SNRPN: variants seen among roughly 807,000 people sequenced by gnomAD.
The protein encoded by SNRPN is small nuclear ribonucleoprotein polypeptide N.
SNRPN carries 7 observed loss-of-function variants against 25.2 expected under a neutral mutation model. The observed-to-expected ratio is 0.28, with a 90% CI of 0.16 to 0.52. The LOEUF (loss-of-function observed/expected upper bound fraction) is 0.52, where lower values mean the gene tolerates loss of function less well. Ranked by LOEUF, SNRPN falls within the 20% of genes least tolerant of loss-of-function variation. SNRPN has a pLI of 0.96. For missense variants in SNRPN, 196 were observed against 322.5 expected (o/e 0.61, Z 3.00); for synonymous variants, 124 against 110.6 (o/e 1.12, Z -0.76).
intron 2 of SNRPN, among the ~76,000 whole-genome samples, chr15:24,898,540 A>G (rs2058230659): frequency 6.6e-6 from 1 of 152,002 alleles, no homozygotes; most frequent in Admixed American, 6.6e-5. Flanking sequence ...ATGAGCGAAG[A>G]TCGCACCACT....
intron 1 of SNRPN, among the ~76,000 whole-genome samples, chr15:24,865,305 C>G (rs1421500581): frequency 6.6e-6 from 1 of 152,110 alleles, no homozygotes; most frequent in Non-Finnish European, 1.5e-5. Context: ...CCTTGGCCTC[C>G]CAAAGTGCTA....
exon 1 of SNRPN, chr15:24,856,566 C>T (rs1166094529): frequency 6.6e-6 from 1 of 152,220 alleles, no homozygotes; most frequent in South Asian, 2.1e-4. Context: ...AGCTCAGAGC[C>T]TTCTGTGGGG....
At position 24,918,937 on chromosome 15, in the gene SNRPN, A is replaced by ATATATATAACATAATATATATGTGCG. The variant is rs2152489596; in HGVS notation, c.-504-1074_-504-1073insTATATATAACATAATATATATGTGCG. 6.8e-4 allele frequency among the ~76,000 whole-genome samples: 31 copies of ATATATATAACATAATATATATGTGCG among 45,918 alleles called. 15 individuals are homozygous for ATATATATAACATAATATATATGTGCG. Among genetic ancestry groups the ATATATATAACATAATATATATGTGCG allele is most frequent in the South Asian group, 1.5e-3 (2 of 1,308 alleles). The allele number at this position is 45,918 out of a possible 152,430, so 30.1% of individuals were successfully genotyped here. On this transcript the variant is annotated intron_variant, in intron 2 of 11. Coordinates refer to the SNRPN transcript ENST00000400097. ...TATATAACATAATATATATATGCGC[A>ATATATATAACATAATATATATGTGCG]CATATATATAACATAATATATATGC... is the stretch of plus-strand genomic sequence containing the variant.
chr15:24,848,361 C>G (rs2052450846), intron 2 of SNRPN: 1 of 152,560 alleles, frequency 6.6e-6, no homozygotes, highest in Non-Finnish European at 1.5e-5. Context: ...AAGCGGATCT[C>G]TTCCGGTTAT....
At chr15:24,947,654 A>G (rs1356882528) in intron 3 of SNRPN, among the ~76,000 whole-genome samples, 4 of 152,104 alleles carry the variant, frequency 2.6e-5, no homozygotes, top group Non-Finnish European at 5.9e-5. Context: ...AAACAGAAAA[A>G]CATAACCTAA....
chr15:24,870,273 A>C, intron 1 of SNRPN, among the ~76,000 whole-genome samples: 1 of 152,182 alleles, frequency 6.6e-6, no homozygotes, highest in South Asian at 2.1e-4. Context: ...AGACCCAGGT[A>C]TATTCACTGA....
intron 2 of SNRPN, among the ~76,000 whole-genome samples, chr15:24,887,393 C>T (rs148825071): frequency 1.7e-3 from 255 of 152,158 alleles, no homozygotes; most frequent in African/African-American, 4.5e-3. Context: ...GGTTATCCTC[C>T]GGCCTCGGCC....
chr15:24,892,150 A>G (rs1157817673), intron 2 of SNRPN, among the ~76,000 whole-genome samples: 1 of 152,210 alleles, frequency 6.6e-6, no homozygotes, highest in Non-Finnish European at 1.5e-5. Context: ...AAATGTCTCC[A>G]CCACCCATCT....
At position 24,875,008 on chromosome 15, in the gene SNRPN, GA is replaced by G. The variant is rs1566854694; in HGVS notation, c.-578-11507del. ...TCAGTAATAATATAAAATTGTAAGTGATAAGATGTATTTGTCCTATAGTCTA... is the reference window on the plus strand; with the variant it reads ...TCAGTAATAATATAAAATTGTAAGTGTAAGATGTATTTGTCCTATAGTCTA... On this transcript the variant is annotated intron_variant, in intron 1 of 11. Coordinates refer to the SNRPN transcript ENST00000400097. Among the ~76,000 whole-genome samples the G allele has an allele frequency of 2.0e-5, 3 of 152,244 alleles. No homozygotes were observed. In the East Asian group the frequency reaches 5.8e-4, roughly 29 times the overall value.
chr15:24,893,874 T>C (rs8023839), intron 2 of SNRPN, among the ~76,000 whole-genome samples: 63,918 of 151,422 alleles, frequency 0.42, 13,786 homozygotes, highest in Middle Eastern at 0.47. Flanking sequence ...GAGAAAAAGG[T>C]GGAGAAAGGT....
At chr15:24,925,562 C>T (rs547136945) in intron 3 of SNRPN, among the ~76,000 whole-genome samples, 4 of 152,262 alleles carry the variant, frequency 2.6e-5, no homozygotes, top group Non-Finnish European at 5.9e-5. Context: ...GCTTTCAAAA[C>T]TGCTTTTATA....
chr15:24,868,130 TATATATAC>T (rs1029954235), intron 1 of SNRPN, among the ~76,000 whole-genome samples: 27 of 150,648 alleles, frequency 1.8e-4, no homozygotes, highest in Non-Finnish European at 3.7e-4. Flanking sequence ...TGTATATATA[TATATATAC>T]ACACACACAT....
chr15:24,864,031 T>C (rs2054277523), intron 1 of SNRPN, among the ~76,000 whole-genome samples: 1 of 147,752 alleles, frequency 6.8e-6, no homozygotes, highest in Non-Finnish European at 1.5e-5. Flanking sequence ...ATTTTATTAT[T>C]ATTTTTTTTT....
intron 1 of SNRPN, among the ~76,000 whole-genome samples, chr15:24,869,645 T>C (rs1267517798): frequency 6.6e-6 from 1 of 151,982 alleles, no homozygotes; most frequent in Non-Finnish European, 1.5e-5. Context: ...GAAAATGTCA[T>C]TGTAACCACA....
At chr15:24,924,673 G>A (rs2060267541) in intron 3 of SNRPN, among the ~76,000 whole-genome samples, 1 of 151,248 alleles carries the variant, frequency 6.6e-6, no homozygotes, top group African/African-American at 2.4e-5. Context: ...ATTTCTTGCA[G>A]AGACAGAGTC....
chr15:24,977,038 C>A lies in SNRPN; in HGVS notation c.420+9C>A. On this transcript the variant is annotated intron_variant, in intron 7 of 9. Transcript: ENST00000390687. ...GGGGACCATCCCAGCAGGTGAGGAA[C>A]CAGCAGAGGGTTTTATATTATTGGG... is the stretch of plus-strand genomic sequence containing the variant. 1 of 1,552,854 alleles carries A rather than the reference C, an allele frequency of 6.4e-7. No homozygotes were observed.
chr15:24,969,547 A>G (rs185105339), intron 3 of SNRPN, among the ~76,000 whole-genome samples: 34 of 152,288 alleles, frequency 2.2e-4, no homozygotes, highest in Admixed American at 2.2e-3. Context: ...ATCATTGTCC[A>G]AAGCTTTTCC....
chr15:24,945,527 T>C (rs1393349021), intron 3 of SNRPN, among the ~76,000 whole-genome samples: 4 of 151,640 alleles, frequency 2.6e-5, no homozygotes, highest in Non-Finnish European at 1.5e-5. Flanking sequence ...CTCCAGCCTG[T>C]GCAATATAGA....
At chr15:24,903,759 C>T (rs560859928) in intron 2 of SNRPN, among the ~76,000 whole-genome samples, 9 of 152,136 alleles carry the variant, frequency 5.9e-5, no homozygotes, top group Non-Finnish European at 1.2e-4. Flanking sequence ...CAGGGCCAAG[C>T]GCGGTGGCTC....
Sources: allele counts gnomAD v4.1 joint callset (sites outside exome capture counted in the v4.1 genomes callset), GRCh38; gene constraint gnomAD v4.1.1; transcripts MANE v1.5; gene names NCBI Gene and HGNC (gene_info 2026-07-23, HGNC 2026-07-21).